Variants in PCDHAC1 observed in about 807,000 individuals in gnomAD.
PCDHAC1 encodes the protein protocadherin alpha subfamily C, 1, also known as protocadherin alpha-C1.
A neutral mutation model predicts 60.0 loss-of-function variants in PCDHAC1; 42 were observed. The observed-to-expected ratio is 0.70, with a 90% CI of 0.55 to 0.90. The LOEUF is 0.90. PCDHAC1 is among the 40% of genes least tolerant of loss of function. The probability of loss-of-function intolerance (pLI) is 0.00; values close to 1 mark genes in which losing one functional copy is unlikely to be tolerated. For synonymous variants in PCDHAC1, 468 were observed against 499.3 expected, an observed-to-expected ratio of 0.94 and a Z score of 0.84; for missense variants, 1,160 against 1,222.3, an observed-to-expected ratio of 0.95 and a Z score of 0.76.
At chr5:140,960,853 T>C (rs1554225072) in intron 1 of PCDHAC1, among the ~76,000 whole-genome samples, 2 of 152,214 alleles carry the variant, frequency 1.3e-5, no homozygotes, top group Non-Finnish European at 1.5e-5. Flanking sequence ...ATGGCAACTA[T>C]AAGCCAGAAA....
chr5:140,955,603 C>T (rs898504105), intron 1 of PCDHAC1, among the ~76,000 whole-genome samples: 1 of 152,146 alleles, frequency 6.6e-6, no homozygotes, highest in Non-Finnish European at 1.5e-5. Flanking sequence ...TTATAAATTA[C>T]CCAGTCTCAG....
intron 1 of PCDHAC1, among the ~76,000 whole-genome samples, chr5:140,962,736 C>T (rs1233355346): frequency 2.0e-5 from 3 of 152,136 alleles, no homozygotes; most frequent in Non-Finnish European, 4.4e-5. Flanking sequence ...TCTGGGGATG[C>T]ATGAAGATCA....
intron 1 of PCDHAC1, among the ~76,000 whole-genome samples, chr5:140,950,831 TTAAGAC>T (rs1337916001): frequency 6.6e-6 from 1 of 152,128 alleles, no homozygotes; most frequent in Non-Finnish European, 1.5e-5. Flanking sequence ...GTTTGGTCCT[TTAAGAC>T]TATACATTTC....
intron 1 of PCDHAC1, among the ~76,000 whole-genome samples, chr5:140,939,903 C>A (rs782506444): frequency 3.9e-4 from 60 of 152,166 alleles, no homozygotes; most frequent in Non-Finnish European, 5.9e-4. Flanking sequence ...ATTCTGCATT[C>A]TTTTTTATTC....
chr5:140,947,549 C>T (rs530708816), intron 1 of PCDHAC1, among the ~76,000 whole-genome samples: 11 of 151,312 alleles, frequency 7.3e-5, no homozygotes, highest in Admixed American at 2.0e-4. Context: ...CAAAGAATTC[C>T]GCTGGGATTT....
At chr5:140,982,348 T>A (rs1253085859) in intron 2 of PCDHAC1, 127 bp from the exon 3 acceptor site, 1 of 1,496,080 alleles carries the variant, frequency 6.7e-7, no homozygotes, top group East Asian at 2.4e-5. Flanking sequence ...TTGCTTCAGT[T>A]CAAGCATGAG....
intron 1 of PCDHAC1, among the ~76,000 whole-genome samples, chr5:140,973,636 T>C (rs535388717): frequency 6.6e-6 from 1 of 152,234 alleles, no homozygotes; most frequent in Non-Finnish European, 1.5e-5. Flanking sequence ...CTTGTACACA[T>C]TCTGACTGAA....
intron 1 of PCDHAC1, among the ~76,000 whole-genome samples, chr5:140,941,202 C>CCTTTCTTCCTTTCTTTCTTTCTTT (rs1394736170): frequency 4.2e-3 from 519 of 122,694 alleles, no homozygotes; most frequent in African/African-American, 7.8e-3. Flanking sequence ...TTTCTTTCTT[C>CCTTTCTTCCTTTCTTTCTTTCTTT]CTTTCTTTCT....
chr5:140,982,583 C>T lies in PCDHAC1; in HGVS notation c.2581+20C>T, dbSNP rs1251252617. ...CACCAGGTAAAGAGCTGGGGTCTCT[C>T]CATTCTTTCTTGGTTTCTGGAAAGT... is the stretch of plus-strand genomic sequence containing the variant. On this transcript the variant is annotated intron_variant, in intron 3 of 3. Coordinates refer to ENST00000253807, the MANE Select transcript of PCDHAC1 (RefSeq NM_018898.5). The T allele has an allele frequency of 1.2e-6, 2 of 1,612,084 alleles. No homozygotes were observed. The highest frequency in any genetic ancestry group is 4.5e-5 in the East Asian group (2 of 44,856).
chr5:140,995,334 T>C (rs2097677447), intron 3 of PCDHAC1, among the ~76,000 whole-genome samples: 1 of 152,184 alleles, frequency 6.6e-6, no homozygotes, highest in Non-Finnish European at 1.5e-5. Context: ...GTGAGTAGTG[T>C]AGACGGCATG....
At chr5:140,976,566 A>C (rs2096723160) in intron 1 of PCDHAC1, among the ~76,000 whole-genome samples, 2 of 152,098 alleles carry the variant, frequency 1.3e-5, no homozygotes, top group African/African-American at 4.8e-5. Flanking sequence ...TAAATAAATA[A>C]ATATAAATAA....
chr5:140,928,234 C>T lies in PCDHAC1; in HGVS notation c.1342C>T (p.Pro448Ser), dbSNP rs1319421246. The T allele has an allele frequency of 4.3e-6, 7 of 1,614,096 alleles. No homozygotes were observed. In the African/African-American group the frequency reaches 8.0e-5, roughly 18 times the overall value. The change falls in exon 1 of 4, where the codon CCC (proline) becomes TCC (serine). Residue 448 changes from proline (P) to serine (S), a missense_variant. Pro to Ser is a moderately conservative substitution (Grantham distance 74). Transcript: ENST00000253807. The part of the protein sequence containing the change: ...VNDNTPNFPQ[P>S]QQELFVAENN... ...TGACAATACACCAAACTTTCCTCAA[C>T]CCCAGCAGGAACTTTTCGTTGCTGA...
intron 1 of PCDHAC1, among the ~76,000 whole-genome samples, chr5:140,955,453 C>T (rs1372474602): frequency 6.6e-6 from 1 of 152,012 alleles, no homozygotes; most frequent in Admixed American, 6.6e-5. Context: ...TTTATAAGGG[C>T]TTTTTCCTTT....
intron 3 of PCDHAC1, among the ~76,000 whole-genome samples, chr5:141,000,691 G>A (rs1177204689): frequency 3.3e-5 from 5 of 151,460 alleles, no homozygotes; most frequent in African/African-American, 1.2e-4. Flanking sequence ...GCCTCCCAAA[G>A]TGCTGGGATT....
chr5:140,972,958 G>C (rs918792607), intron 1 of PCDHAC1, among the ~76,000 whole-genome samples: 1 of 152,038 alleles, frequency 6.6e-6, no homozygotes, highest in African/African-American at 2.4e-5. Context: ...CACCATGCCC[G>C]GCAAAGGAAA....
chr5:140,942,545 G>T (rs981508818), intron 1 of PCDHAC1, among the ~76,000 whole-genome samples: 1 of 151,970 alleles, frequency 6.6e-6, no homozygotes, highest in Non-Finnish European at 1.5e-5. Flanking sequence ...ATGGTGGGGG[G>T]TAGGGGGTTG....
intron 1 of PCDHAC1, among the ~76,000 whole-genome samples, chr5:140,938,308 T>C (rs1468853140): frequency 6.6e-6 from 1 of 152,212 alleles, no homozygotes; most frequent in Admixed American, 6.5e-5. Context: ...AAATTCAGTA[T>C]AAAATTGAAT....
chr5:140,941,245 TTCTTTCTTTC>T (rs1379125224), intron 1 of PCDHAC1, among the ~76,000 whole-genome samples: 44 of 140,720 alleles, frequency 3.1e-4, no homozygotes, highest in Middle Eastern at 3.3e-3. Context: ...CTTTCTTTCT[TTCTTTCTTTC>T]TCTTTCTTTC....
At chr5:140,929,357 G>A (rs1554207016) in intron 1 of PCDHAC1, 32 bp downstream of exon 1, 14 of 1,523,448 alleles carry the variant, frequency 9.2e-6, no homozygotes, top group Non-Finnish European at 1.2e-5. Flanking sequence ...TGATTCCTTT[G>A]GCCCGGAGAT....
Sources: gnomAD v4.1 joint callset for allele counts (sites outside exome capture counted in the v4.1 genomes callset) on GRCh38, gnomAD v4.1.1 for gene constraint, MANE v1.5 for transcripts, NCBI Gene and HGNC (gene_info 2026-07-23, HGNC 2026-07-21) for gene names.